Variants in SMG1 observed in about 807,000 individuals in gnomAD.
SMG1 encodes SMG1 nonsense mediated mRNA decay associated PI3K related kinase, also known as serine/threonine-protein kinase SMG1.
SMG1 carries 22 observed loss-of-function variants against 419.9 expected under a neutral mutation model. The observed-to-expected ratio is 0.05, with a 90% CI of 0.04 to 0.07. SMG1 has a LOEUF of 0.07. Ranked by LOEUF, SMG1 falls within the 10% of genes least tolerant of loss-of-function variation. SMG1 has a pLI of 1.00. For missense variants in SMG1, 3,185 were observed against 4,342.0 expected, an observed-to-expected ratio of 0.73 and a Z score of 7.49; for synonymous variants, 1,538 against 1,553.5, an observed-to-expected ratio of 0.99 and a Z score of 0.23.
intron 1 of SMG1, among the ~76,000 whole-genome samples, chr16:18,914,284 A>C (rs1278310517): frequency 6.6e-6 from 1 of 152,136 alleles, no homozygotes; most frequent in Non-Finnish European, 1.5e-5. Context: ...AAACCAACAT[A>C]ATAATAACAT....
chr16:18,873,212 G>C (rs1596564803), intron 13 of SMG1, among the ~76,000 whole-genome samples: 1 of 152,058 alleles, frequency 6.6e-6, no homozygotes, highest in Non-Finnish European at 1.5e-5. Context: ...GAGTACCTGT[G>C]TTCCAAGAAA....
chr16:18,829,532 A>C lies in SMG1; in HGVS notation c.9357T>G (p.Ala3119=). ...CACCAAAGTCCTTTGCCTCTACTTG[A>C]GCAATGATGTCTACACCCAGAGCAC... ...FISALGVDII[A]QVEAKDFGAE... Residue 3119 remains alanine, a synonymous_variant, in exon 54 of 63, where the codon GCT becomes GCG. Coordinates refer to ENST00000446231, the MANE Select transcript of SMG1 (RefSeq NM_015092.5). 1 of 1,614,020 alleles carries C rather than the reference A, an allele frequency of 6.2e-7. No homozygotes were observed. Among genetic ancestry groups the C allele is most frequent in the African/African-American group, 1.3e-5 (1 of 75,046 alleles).
intron 19 of SMG1, among the ~76,000 whole-genome samples, 152 bp from the exon 20 acceptor site, chr16:18,869,455 T>C (rs1168275569): frequency 5.3e-5 from 8 of 152,176 alleles, no homozygotes; most frequent in African/African-American, 1.9e-4. Context: ...GTGTCCCCCC[T>C]CTCATTTTGA....
rs1417601859 is a variant in SMG1, at chr16:18,879,293, T to C, written c.1518+202A>G. 5.4e-6 allele frequency: 3 copies of C among 556,558 alleles called. No individual in the cohort carries two copies. The African/African-American group carries it at 5.7e-5, about 11-fold the overall frequency. The allele number at this position is 556,558 out of a possible 1,614,324, so 34.5% of individuals were successfully genotyped here. ...ACTACACCAAGCTAATTTTTGACTT[T>C]TTGTACAGATGGGGTCTCACTACAT... On this transcript the variant is annotated intron_variant, in intron 11 of 62. Transcript: ENST00000446231.
intron 58 of SMG1, 100 bp from the exon 59 acceptor site, chr16:18,815,751 G>A: frequency 2.0e-6 from 2 of 1,012,530 alleles, no homozygotes; most frequent in South Asian, 3.3e-5. Context: ...TTTCAAATAT[G>A]AGTGTGTTTA....
intron 1 of SMG1, among the ~76,000 whole-genome samples, chr16:18,897,429 A>G (rs1362705968): frequency 1.3e-5 from 2 of 152,206 alleles, no homozygotes; most frequent in African/African-American, 4.8e-5. Context: ...GGGACGGGCA[A>G]TGTCTTACCA....
At chr16:18,827,397 A>G (rs1295089934) in intron 55 of SMG1, among the ~76,000 whole-genome samples, 1 of 148,098 alleles carries the variant, frequency 6.8e-6, no homozygotes, top group Non-Finnish European at 1.5e-5. Flanking sequence ...CTGCACTCCA[A>G]CCTGGGCAAC....
chr16:18,850,190 A>C, intron 34 of SMG1, 47 bp downstream of exon 34: 2 of 1,582,192 alleles, frequency 1.3e-6, no homozygotes, highest in Non-Finnish European at 1.7e-6. Flanking sequence ...TTGTTTAATA[A>C]GAAAAAGTTT....
At chr16:18,914,937 C>T (rs2141987694) in intron 1 of SMG1, among the ~76,000 whole-genome samples, 1 of 149,556 alleles carries the variant, frequency 6.7e-6, no homozygotes, top group South Asian at 2.1e-4. Flanking sequence ...TCTTAAATTA[C>T]CATATTTTTT....
intron 36 of SMG1, among the ~76,000 whole-genome samples, chr16:18,848,858 G>A (rs1019187917): frequency 2.6e-5 from 4 of 151,518 alleles, no homozygotes; most frequent in African/African-American, 7.3e-5. Context: ...GGATCACGAG[G>A]TCAGGAGTTC....
At chr16:18,839,400 GT>G (rs1291679778) in intron 42 of SMG1, among the ~76,000 whole-genome samples, 1 of 151,938 alleles carries the variant, frequency 6.6e-6, no homozygotes, top group Non-Finnish European at 1.5e-5. Context: ...GTGTCCATGT[GT>G]GCTCAATGTT....
At chr16:18,889,206 T>C (rs1025606830) in intron 6 of SMG1, among the ~76,000 whole-genome samples, 166 bp downstream of exon 6, 3 of 152,054 alleles carry the variant, frequency 2.0e-5, no homozygotes, top group Admixed American at 6.6e-5. Context: ...CCTTGAACAG[T>C]GTATCCTTTA....
intron 10 of SMG1, among the ~76,000 whole-genome samples, chr16:18,880,269 C>A (rs2141695951): frequency 6.6e-6 from 1 of 152,268 alleles, no homozygotes; most frequent in East Asian, 1.9e-4. Context: ...CAAACAAAAT[C>A]CCCCACTTAA....
intron 13 of SMG1, chr16:18,875,754 A>G (rs1457444107): frequency 3.4e-6 from 1 of 292,192 alleles, no homozygotes; most frequent in Non-Finnish European, 6.3e-6. Context: ...CAGAAAGAAA[A>G]AAGTACCAGG....
intron 57 of SMG1, 119 bp downstream of exon 57, chr16:18,817,171 CT>C (rs1270929472): frequency 9.0e-6 from 7 of 776,748 alleles, no homozygotes; most frequent in East Asian, 6.7e-5. Context: ...CCCCGCCCCC[CT>C]AACAACCTCT....
At chr16:18,903,523 T>TG (rs1338072231) in intron 1 of SMG1, among the ~76,000 whole-genome samples, 2 of 152,222 alleles carry the variant, frequency 1.3e-5, no homozygotes, top group Non-Finnish European at 2.9e-5. Flanking sequence ...TTCTGCTTCA[T>TG]GAGAAGTAGA....
intron 33 of SMG1, among the ~76,000 whole-genome samples, chr16:18,851,411 G>GCA (rs2034587105): frequency 6.6e-6 from 1 of 151,440 alleles, no homozygotes; most frequent in African/African-American, 2.4e-5. Flanking sequence ...ACACACACGC[G>GCA]CACGCGCACA....
Position 18,852,091 on chromosome 16 carries a change from A to T in SMG1, c.5028T>A (p.Ala1676=). 1 of 1,612,816 alleles carries T rather than the reference A, an allele frequency of 6.2e-7. No individual in the cohort carries two copies. Among genetic ancestry groups the T allele is most frequent in the Non-Finnish European group, 8.5e-7 (1 of 1,179,474 alleles). Residue 1676 remains alanine (A), a synonymous_variant, in exon 33 of 63, where the codon GCT becomes GCA. Coordinates refer to ENST00000446231, the MANE Select transcript of SMG1 (RefSeq NM_015092.5). The part of the protein sequence containing the change: ...KERIYGILGQ[A]VCRPAGIQDE... ...CCTGAATCCCCGCCGGCCGACACAC[A>T]GCCTGTCCAAGAATACCATATATTC...
intron 22 of SMG1, 55 bp from the exon 23 acceptor site, chr16:18,866,830 T>C (rs2035538243): frequency 6.6e-7 from 1 of 1,505,920 alleles, no homozygotes; most frequent in Non-Finnish European, 9.1e-7. Context: ...CATAAATCCC[T>C]ATAAAATTTA....
Sources: allele counts gnomAD v4.1 joint callset (sites outside exome capture counted in the v4.1 genomes callset), GRCh38; gene constraint gnomAD v4.1.1; transcripts MANE v1.5; gene names NCBI Gene and HGNC (gene_info 2026-07-23, HGNC 2026-07-21).